ACO1: variants seen among roughly 807,000 people sequenced by gnomAD.
The protein encoded by ACO1 is aconitase 1, also known as cytoplasmic aconitate hydratase.
A neutral mutation model predicts 105.1 loss-of-function variants in ACO1; 78 were observed. The observed-to-expected ratio is 0.74, with a 90% CI of 0.62 to 0.90. The LOEUF (loss-of-function observed/expected upper bound fraction) is 0.90, where lower values mean the gene tolerates loss of function less well. ACO1 is among the 40% of genes least tolerant of loss of function. The pLI is 0.00. For synonymous variants in ACO1, 364 were observed against 397.4 expected (o/e 0.92, Z 1.00); for missense variants, 965 against 1,111.1 (o/e 0.87, Z 1.87).
chr9:32,415,414 C>T (rs1446608474), intron 4 of ACO1, among the ~76,000 whole-genome samples: 2 of 152,092 alleles, frequency 1.3e-5, no homozygotes, highest in African/African-American at 4.8e-5. Flanking sequence ...GGGAAAAGAG[C>T]TCATTAGATA....
At chr9:32,444,520 A>ATG (rs1822555332) in intron 19 of ACO1, among the ~76,000 whole-genome samples, 1 of 152,182 alleles carries the variant, frequency 6.6e-6, no homozygotes, top group Non-Finnish European at 1.5e-5. Flanking sequence ...CGCCATTCTA[A>ATG]CTGGTGTGAG....
chr9:32,402,006 A>G (rs1223182770), intron 1 of ACO1, among the ~76,000 whole-genome samples: 1 of 152,240 alleles, frequency 6.6e-6, no homozygotes, highest in Non-Finnish European at 1.5e-5. Flanking sequence ...GAAGGGTTTC[A>G]GATACAGTAG....
chr9:32,407,394 A>T lies in ACO1; in HGVS notation c.231A>T (p.Pro77=). ...CGCAGCACAAGAACATAGAAGTGCCATTTAAGCCTGCTCGTGTCATCCTGC... is the reference window on the plus strand; with the variant it reads ...CGCAGCACAAGAACATAGAAGTGCCTTTTAAGCCTGCTCGTGTCATCCTGC... The part of the protein sequence containing the change: ...NVTQHKNIEV[P]FKPARVILQD... The change falls in exon 3 of 21, where the codon CCA becomes CCT. Residue 77 remains proline (P), a synonymous_variant. Transcript: ENST00000309951. The T allele has an allele frequency of 6.2e-7, 1 of 1,614,160 alleles. No individual in the cohort carries two copies. The highest frequency in any genetic ancestry group is 8.5e-7 in the Non-Finnish European group (1 of 1,180,008).
At chr9:32,444,654 C>T (rs961073364) in intron 19 of ACO1, among the ~76,000 whole-genome samples, 1 of 152,082 alleles carries the variant, frequency 6.6e-6, no homozygotes, top group Non-Finnish European at 1.5e-5. Context: ...CCTTCACCCA[C>T]TTTTTGATGG....
intron 1 of ACO1, among the ~76,000 whole-genome samples, chr9:32,391,182 G>A (rs571397187): frequency 2.0e-5 from 3 of 152,298 alleles, no homozygotes; most frequent in Non-Finnish European, 2.9e-5. Flanking sequence ...TGTCATCTGG[G>A]CAGAGCAGTG....
rs1821895602 is a variant in ACO1 at position 32,418,310 on chromosome 9, T to C, written c.475-18T>C. The stretch of plus-strand genomic sequence containing the variant: ...TACTTCACGCGTTCATAGTGTTCTT[T>C]CCATTTGTCAATCCCAGTGGGGTTC... On this transcript the variant is annotated intron_variant, in intron 5 of 20. Transcript: ENST00000309951. The C allele has an allele frequency of 6.2e-7, 1 of 1,613,812 alleles. No individual in the cohort carries two copies. Among genetic ancestry groups the C allele is most frequent in the African/African-American group, 1.3e-5 (1 of 74,928 alleles).
At position 32,430,431 on chromosome 9, in the gene ACO1, C is replaced by T; in HGVS notation, c.1583C>T (p.Ala528Val). The T allele has an allele frequency of 6.2e-7, 1 of 1,610,710 alleles. No homozygotes were observed. Among genetic ancestry groups the T allele is most frequent in the Non-Finnish European group, 8.5e-7 (1 of 1,178,688 alleles). ...TGCCTTACTCAGGGAGACCTTGTAG[C>T]TGTTGGAGTACTATCTGGAAACAGG... is the stretch of plus-strand genomic sequence containing the variant. Reference protein sequence around the residue: ...VEAITQGDLVAVGVLSGNRNF... With the variant: ...VEAITQGDLVVVGVLSGNRNF... The change falls in exon 14 of 21, where the codon GCT (alanine) becomes GTT (valine). Residue 528 changes from alanine (A) to valine (V), a missense_variant. Ala to Val is a moderately conservative substitution (Grantham distance 64). Transcript: ENST00000309951.
At chr9:32,388,713 G>C (rs943936678) in intron 1 of ACO1, among the ~76,000 whole-genome samples, 6 of 152,204 alleles carry the variant, frequency 3.9e-5, no homozygotes, top group African/African-American at 1.4e-4. Flanking sequence ...CCAGTAGCCA[G>C]TTCTGGGCAG....
At chr9:32,427,170 C>A in intron 11 of ACO1, 131 bp from the exon 12 acceptor site, 1 of 1,164,392 alleles carries the variant, frequency 8.6e-7, no homozygotes. Flanking sequence ...CAGATAGCGC[C>A]AACATGAAGG....
chr9:32,402,237 T>C (rs988096442), intron 1 of ACO1, among the ~76,000 whole-genome samples: 1 of 152,122 alleles, frequency 6.6e-6, no homozygotes, highest in African/African-American at 2.4e-5. Flanking sequence ...TGCCACCATG[T>C]AGTATCATCT....
At chr9:32,431,687 A>G in intron 14 of ACO1, 32 bp from the exon 15 acceptor site, 3 of 1,612,926 alleles carry the variant, frequency 1.9e-6, no homozygotes. Context: ...CATATTAGAA[A>G]GTTTTCTCAT....
intron 3 of ACO1, 125 bp downstream of exon 3, chr9:32,407,554 T>C (rs938371096): frequency 2.2e-6 from 2 of 897,802 alleles, no homozygotes; most frequent in Non-Finnish European, 1.6e-6. Flanking sequence ...CTATATAATA[T>C]TATATACCCA....
rs1822819181 is a variant in ACO1 at position 32,453,741 on chromosome 9, A to G, written c.*3630A>G. On this transcript the variant is annotated 3_prime_UTR_variant, in exon 21 of 21. Coordinates refer to ENST00000309951, the MANE Select transcript of ACO1 (RefSeq NM_002197.3). ...GTACGGGGTTATGTAGGAGCAATGC[A>G]GAGCCACTTTTGAAAAACAGTAGCC... 1 of 152,240 alleles carries G rather than the reference A, an allele frequency of 6.6e-6. No homozygotes were observed. The highest frequency in any genetic ancestry group is 2.4e-5 in the African/African-American group (1 of 41,468). The allele number at this position is 152,240 out of a possible 1,614,324, so 9.4% of individuals were successfully genotyped here. A position where few individuals can be genotyped will look rare whatever the true frequency, so the allele number is the denominator to read the frequency against.
At chr9:32,431,244 G>A (rs1379709075) in intron 14 of ACO1, among the ~76,000 whole-genome samples, 1 of 152,150 alleles carries the variant, frequency 6.6e-6, no homozygotes, top group Non-Finnish European at 1.5e-5. Flanking sequence ...CTGATAAGGC[G>A]TCACTCTGAC....
At chr9:32,443,686 A>G (rs960084691) in intron 19 of ACO1, among the ~76,000 whole-genome samples, 1 of 152,196 alleles carries the variant, frequency 6.6e-6, no homozygotes, top group African/African-American at 2.4e-5. Context: ...CATTTCTTAT[A>G]CATTGATAGA....
rs1238880282 is a variant in ACO1 at position 32,454,192 on chromosome 9, T to C, written c.*4081T>C. Reference sequence around the variant, plus strand: ...GAACAGACACAAGAACAATGTGTGCTGTAAATCACTGTTTGCAGGGAAGGT... The same window carrying C: ...GAACAGACACAAGAACAATGTGTGCCGTAAATCACTGTTTGCAGGGAAGGT... On this transcript the variant is annotated 3_prime_UTR_variant, in exon 21 of 21. Coordinates refer to ENST00000309951, the MANE Select transcript of ACO1 (RefSeq NM_002197.3). 1 of 152,244 alleles carries C rather than the reference T, an allele frequency of 6.6e-6. No homozygotes were observed. Among genetic ancestry groups the C allele is most frequent in the African/African-American group, 2.4e-5 (1 of 41,466 alleles). The allele number at this position is 152,244 out of a possible 1,614,324, so 9.4% of individuals were successfully genotyped here.
chr9:32,427,539 C>T, intron 12 of ACO1, 103 bp downstream of exon 12: 1 of 1,470,644 alleles, frequency 6.8e-7, no homozygotes, highest in East Asian at 2.3e-5. Flanking sequence ...CTGATGATAT[C>T]TAATTGCATA....
chr9:32,414,726 G>T (rs1395811041), intron 4 of ACO1, among the ~76,000 whole-genome samples: 1 of 152,192 alleles, frequency 6.6e-6, no homozygotes, highest in African/African-American at 2.4e-5. Context: ...TCACAGTATA[G>T]CAAAATAGAT....
chr9:32,396,198 A>G (rs1821369843), intron 1 of ACO1, among the ~76,000 whole-genome samples: 1 of 152,256 alleles, frequency 6.6e-6, no homozygotes, highest in Admixed American at 6.5e-5. Flanking sequence ...ATTTTCATAT[A>G]TGAGTTAATT....
Sources: allele counts gnomAD v4.1 joint callset (sites outside exome capture counted in the v4.1 genomes callset), GRCh38; gene constraint gnomAD v4.1.1; transcripts MANE v1.5; gene names NCBI Gene and HGNC (gene_info 2026-07-23, HGNC 2026-07-21).